FGF14: variants seen among roughly 807,000 people sequenced by gnomAD.
FGF14 encodes the protein fibroblast growth factor 14.
Under a neutral mutation model 25.5 loss-of-function variants are expected in FGF14, and 5 were observed. That is an observed-to-expected ratio of 0.20 (90% confidence interval 0.10 to 0.41). FGF14 has a LOEUF of 0.41. Among genes scored for constraint, FGF14 ranks in the 10% least tolerant of loss-of-function variants. FGF14 has a pLI of 1.00. For missense variants in FGF14, 222 were observed against 320.1 expected (o/e 0.69, Z 2.34); for synonymous variants, 138 against 118.3 (o/e 1.17, Z -1.08).
At chr13:102,301,706 C>T (rs1195173503) in intron 1 of FGF14, among the ~76,000 whole-genome samples, 1 of 152,036 alleles carries the variant, frequency 6.6e-6, no homozygotes, top group Non-Finnish European at 1.5e-5. Context: ...GCTCCACAAG[C>T]ACACTTTTCT....
chr13:101,715,308 C>A lies in FGF14; in HGVS notation c.*7523G>T, dbSNP rs1420929456. 1.8e-5 allele frequency: 7 copies of A among 387,760 alleles called. No individual in the cohort carries two copies. Among genetic ancestry groups the A allele is most frequent in the African/African-American group, 1.0e-4 (5 of 48,618 alleles). The allele number at this position is 387,760 out of a possible 1,614,324, so 24.0% of individuals were successfully genotyped here. On this transcript the variant is annotated 3_prime_UTR_variant, in exon 5 of 5. Transcript: ENST00000376143. Reference sequence around the variant, plus strand: ...GGAAAACAAAATTGTCACCTAAAAGCCTAGCTGGAGTGATACAGGATGGTG... The same window carrying A: ...GGAAAACAAAATTGTCACCTAAAAGACTAGCTGGAGTGATACAGGATGGTG...
intron 1 of FGF14, among the ~76,000 whole-genome samples, chr13:101,933,277 C>T (rs1416895200): frequency 1.3e-5 from 2 of 152,126 alleles, no homozygotes; most frequent in Non-Finnish European, 2.9e-5. Flanking sequence ...ACTCTAACTC[C>T]CATTTGTTCT....
At chr13:102,013,966 T>G (rs1250717967) in intron 1 of FGF14, among the ~76,000 whole-genome samples, 1 of 152,102 alleles carries the variant, frequency 6.6e-6, no homozygotes, top group African/African-American at 2.4e-5. Flanking sequence ...GTTCAATGAG[T>G]GATTTCTATA....
At chr13:101,747,858 A>G (rs1362027307) in intron 3 of FGF14, among the ~76,000 whole-genome samples, 2 of 152,056 alleles carry the variant, frequency 1.3e-5, no homozygotes, top group African/African-American at 4.8e-5. Context: ...GCCAAGAAGC[A>G]TATGAAAAAA....
At chr13:102,251,677 C>A (rs16959997) in intron 1 of FGF14, among the ~76,000 whole-genome samples, 1 of 152,112 alleles carries the variant, frequency 6.6e-6, no homozygotes, top group Non-Finnish European at 1.5e-5. Context: ...AGAGGAGACA[C>A]CTTTTCCAAA....
chr13:101,956,570 C>T (rs2036526021), intron 1 of FGF14, among the ~76,000 whole-genome samples: 1 of 151,956 alleles, frequency 6.6e-6, no homozygotes, highest in African/African-American at 2.4e-5. Flanking sequence ...CGGTTCTCAA[C>T]AATATACAAA....
chr13:102,283,731 G>A (rs2053960668), intron 1 of FGF14, among the ~76,000 whole-genome samples: 2 of 152,118 alleles, frequency 1.3e-5, no homozygotes, highest in Admixed American at 6.6e-5. Context: ...CTCTAACGGT[G>A]TGTATACAAA....
chr13:102,142,911 C>T (rs1400684336), intron 1 of FGF14, among the ~76,000 whole-genome samples: 1 of 152,156 alleles, frequency 6.6e-6, no homozygotes, highest in Non-Finnish European at 1.5e-5. Context: ...ACAACATACG[C>T]TTTTATTCTC....
chr13:102,150,435 G>A (rs958561385), intron 1 of FGF14, among the ~76,000 whole-genome samples: 4 of 152,008 alleles, frequency 2.6e-5, no homozygotes, highest in Non-Finnish European at 4.4e-5. Context: ...ATTTCTCTAA[G>A]GCATGGCCAC....
chr13:101,712,357 C>A lies in FGF14; in HGVS notation c.*10474G>T, dbSNP rs1349912810. On this transcript the variant is annotated 3_prime_UTR_variant, in exon 5 of 5. Coordinates refer to ENST00000376143, the MANE Select transcript of FGF14 (RefSeq NM_004115.4). ...AACTGGAATTTACTCATCAAATGTT[C>A]TATCCATATATGCCATATTAGCTTT... 6.6e-6 allele frequency: 1 copy of A among 152,162 alleles called. No individual in the cohort carries two copies. Among genetic ancestry groups the A allele is most frequent in the Admixed American group, 6.5e-5 (1 of 15,270 alleles). The allele number at this position is 152,162 out of a possible 1,614,324, so 9.4% of individuals were successfully genotyped here. A position where few individuals can be genotyped will look rare whatever the true frequency, so the allele number is the denominator to read the frequency against.
chr13:102,244,677 T>G (rs2051772249), intron 1 of FGF14, among the ~76,000 whole-genome samples: 1 of 151,940 alleles, frequency 6.6e-6, no homozygotes, highest in African/African-American at 2.4e-5. Flanking sequence ...ACACAACTGG[T>G]TTTGTGAGGC....
At chr13:102,292,029 G>A (rs901137292) in intron 1 of FGF14, among the ~76,000 whole-genome samples, 6 of 152,010 alleles carry the variant, frequency 3.9e-5, no homozygotes, top group African/African-American at 7.2e-5. Flanking sequence ...GATTAGAGCC[G>A]GCCTTGTCTG....
intron 3 of FGF14, among the ~76,000 whole-genome samples, chr13:101,802,847 A>G (rs1254982894): frequency 2.0e-5 from 3 of 152,290 alleles, no homozygotes; most frequent in South Asian, 4.1e-4. Context: ...GTGTACATAC[A>G]TATCTTTTGT....
At chr13:101,811,296 A>G (rs1465411581) in intron 3 of FGF14, among the ~76,000 whole-genome samples, 1 of 152,132 alleles carries the variant, frequency 6.6e-6, no homozygotes, top group Non-Finnish European at 1.5e-5. Flanking sequence ...ACCCCTGGCA[A>G]CCATGGATCT....
chr13:102,127,424 C>A (rs2045994602), intron 1 of FGF14, among the ~76,000 whole-genome samples: 1 of 152,096 alleles, frequency 6.6e-6, no homozygotes, highest in Non-Finnish European at 1.5e-5. Context: ...GTGTACACAA[C>A]CACTAAGTTG....
At chr13:101,854,180 G>A (rs1365054988) in intron 3 of FGF14, among the ~76,000 whole-genome samples, 1 of 152,036 alleles carries the variant, frequency 6.6e-6, no homozygotes, top group Non-Finnish European at 1.5e-5. Flanking sequence ...AGAATCATGT[G>A]TTTGGATGGA....
intron 1 of FGF14, among the ~76,000 whole-genome samples, chr13:101,895,963 T>C (rs1287659303): frequency 6.6e-6 from 1 of 152,328 alleles, no homozygotes; most frequent in East Asian, 1.9e-4. Context: ...TTGAATATCC[T>C]AACAATTATA....
chr13:102,265,973 T>G, intron 1 of FGF14, among the ~76,000 whole-genome samples: 1 of 151,944 alleles, frequency 6.6e-6, no homozygotes, highest in East Asian at 1.9e-4. Flanking sequence ...AAGAATTAGA[T>G]AAAATTACAA....
chr13:101,911,694 AC>A (rs2032952000), intron 1 of FGF14, among the ~76,000 whole-genome samples: 1 of 152,138 alleles, frequency 6.6e-6, no homozygotes, highest in Non-Finnish European at 1.5e-5. Context: ...CTTGTTAAAA[AC>A]AAAACAAAAC....
Sources: gnomAD v4.1 joint callset for allele counts (sites outside exome capture counted in the v4.1 genomes callset) on GRCh38, gnomAD v4.1.1 for gene constraint, MANE v1.5 for transcripts, NCBI Gene and HGNC (gene_info 2026-07-23, HGNC 2026-07-21) for gene names.